The following TLN2 variants were observed in gnomAD, a reference collection of about 807,000 sequenced individuals.
TLN2 encodes talin-2.
TLN2 carries 118 observed loss-of-function variants against 294.7 expected under a neutral mutation model. That is an observed-to-expected ratio of 0.40 (90% CI 0.34 to 0.47). The LOEUF (loss-of-function observed/expected upper bound fraction) is 0.47. TLN2 is among the 20% of genes least tolerant of loss of function. The pLI, the probability that TLN2 is intolerant of heterozygous loss-of-function variation, is 0.84. For synonymous variants in TLN2, 1,431 were observed against 1,304.5 expected, an observed-to-expected ratio of 1.10 and a Z score of -2.09; for missense variants, 3,083 against 3,282.2, an observed-to-expected ratio of 0.94 and a Z score of 1.48.
At chr15:62,641,263 G>A (rs571007482) in intron 3 of TLN2, among the ~76,000 whole-genome samples, 6 of 152,228 alleles carry the variant, frequency 3.9e-5, no homozygotes, top group East Asian at 1.9e-4. Context: ...GATAGTGGCC[G>A]ACTCAAGTAT....
At chr15:62,776,479 A>G (rs1470982258) in intron 42 of TLN2, among the ~76,000 whole-genome samples, 1 of 152,150 alleles carries the variant, frequency 6.6e-6, no homozygotes, top group Non-Finnish European at 1.5e-5. Flanking sequence ...TCTCTTTTCT[A>G]CAGTCCTGAA....
At chr15:62,757,369 G>A (rs1285289723) in intron 37 of TLN2, among the ~76,000 whole-genome samples, 3 of 152,362 alleles carry the variant, frequency 2.0e-5, no homozygotes, top group South Asian at 4.1e-4. Context: ...GGTGGAAAGA[G>A]CGATAGAGTT....
intron 1 of TLN2, among the ~76,000 whole-genome samples, chr15:62,558,332 A>T (rs1378876594): frequency 6.6e-6 from 1 of 152,112 alleles, no homozygotes; most frequent in Non-Finnish European, 1.5e-5. Flanking sequence ...TGCATGTCTT[A>T]TTTCCTCTAG....
At chr15:62,479,286 T>C (rs1231089250) in intron 1 of TLN2, among the ~76,000 whole-genome samples, 3 of 152,166 alleles carry the variant, frequency 2.0e-5, no homozygotes, top group Non-Finnish European at 4.4e-5. Context: ...CTGGGCTTAT[T>C]TCCTCAACAG....
At chr15:62,493,613 C>T (rs531504773) in intron 1 of TLN2, among the ~76,000 whole-genome samples, 6 of 151,880 alleles carry the variant, frequency 4.0e-5, no homozygotes, top group East Asian at 1.9e-4. Flanking sequence ...GGTTCCCCCC[C>T]GCCGCTTTTT....
At chr15:62,659,604 T>C (rs1275179456) in intron 9 of TLN2, among the ~76,000 whole-genome samples, 1 of 152,208 alleles carries the variant, frequency 6.6e-6, no homozygotes, top group Non-Finnish European at 1.5e-5. Flanking sequence ...CTTCCCTTAA[T>C]AATCTGAGAC....
At chr15:62,551,895 A>G (rs773272327) in intron 1 of TLN2, among the ~76,000 whole-genome samples, 1 of 152,246 alleles carries the variant, frequency 6.6e-6, no homozygotes, top group East Asian at 1.9e-4. Flanking sequence ...AAAGTATGAC[A>G]GCTGCTTCAT....
intron 11 of TLN2, among the ~76,000 whole-genome samples, chr15:62,686,069 C>T (rs766427037): frequency 1.3e-5 from 2 of 152,006 alleles, no homozygotes; most frequent in Non-Finnish European, 2.9e-5. Flanking sequence ...ATAGACATTA[C>T]TATATCTTAA....
chr15:62,687,558 A>T (rs1446342350), intron 12 of TLN2, among the ~76,000 whole-genome samples: 2 of 152,272 alleles, frequency 1.3e-5, no homozygotes, highest in Non-Finnish European at 2.9e-5. Flanking sequence ...TTTACATGTG[A>T]AACACAATAG....
chr15:62,705,119 C>T lies in TLN2; in HGVS notation c.2005-1967C>T, dbSNP rs184164101. ...TGTGTGTGAATGTCAACCCTGCTTC[C>T]TAATGTTTGTTTCTATTCAGATGTG... On this transcript the variant is annotated intron_variant, in intron 19 of 58. Transcript: ENST00000636159. Among the ~76,000 whole-genome samples, 4 of 152,210 alleles carry T rather than the reference C, an allele frequency of 2.6e-5. No individual in the cohort carries two copies. The East Asian group carries it at 7.7e-4, about 29-fold the overall frequency.
intron 35 of TLN2, among the ~76,000 whole-genome samples, chr15:62,753,304 A>G (rs1369947618): frequency 6.6e-6 from 1 of 152,114 alleles, no homozygotes; most frequent in East Asian, 1.9e-4. Flanking sequence ...TCGGTAAGCT[A>G]CGAGATGAGG....
At chr15:62,838,378 C>T (rs549310326) in intron 57 of TLN2, among the ~76,000 whole-genome samples, 8 of 152,236 alleles carry the variant, frequency 5.3e-5, no homozygotes, top group African/African-American at 9.6e-5. Context: ...GCAGTGAAGC[C>T]GGCACAGCAC....
intron 26 of TLN2, among the ~76,000 whole-genome samples, chr15:62,724,066 T>G (rs1393220916): frequency 6.6e-6 from 1 of 152,070 alleles, no homozygotes; most frequent in Non-Finnish European, 1.5e-5. Flanking sequence ...GAGAATCACT[T>G]GAACCCAGGA....
intron 1 of TLN2, among the ~76,000 whole-genome samples, chr15:62,399,256 C>CATAAAAAA (rs2032815839): frequency 1.7e-5 from 1 of 58,430 alleles, no homozygotes; most frequent in Non-Finnish European, 2.8e-5. Flanking sequence ...CCGTCTCAAA[C>CATAAAAAA]AAAAAAAAAA....
intron 22 of TLN2, among the ~76,000 whole-genome samples, chr15:62,715,878 C>T (rs996302658): frequency 6.6e-6 from 1 of 152,170 alleles, no homozygotes; most frequent in African/African-American, 2.4e-5. Flanking sequence ...CCCTCTGTCC[C>T]CACCTGAGTT....
At chr15:62,736,309 C>T (rs2061007817) in intron 28 of TLN2, among the ~76,000 whole-genome samples, 1 of 145,776 alleles carries the variant, frequency 6.9e-6, no homozygotes, top group South Asian at 2.2e-4. Flanking sequence ...GACAGAGACT[C>T]TGTCTCAAAA....
chr15:62,541,942 G>T (rs2041717033), intron 1 of TLN2, among the ~76,000 whole-genome samples: 1 of 150,720 alleles, frequency 6.6e-6, no homozygotes, highest in Non-Finnish European at 1.5e-5. Flanking sequence ...TGGATTATTT[G>T]TGAACAAATA....
intron 1 of TLN2, among the ~76,000 whole-genome samples, chr15:62,556,208 G>GT (rs577428945): frequency 8.3e-4 from 121 of 145,918 alleles, no homozygotes; most frequent in Middle Eastern, 3.5e-3. Flanking sequence ...TTTCTTAGGA[G>GT]TTTTTTTTTT....
chr15:62,607,099 C>T (rs866752034), intron 2 of TLN2, among the ~76,000 whole-genome samples: 1 of 152,160 alleles, frequency 6.6e-6, no homozygotes, highest in African/African-American at 2.4e-5. Context: ...ATTTTCTCGC[C>T]CGTGATCCTG....
Sources: gnomAD v4.1 joint callset for allele counts (sites outside exome capture counted in the v4.1 genomes callset) on GRCh38, gnomAD v4.1.1 for gene constraint, MANE v1.5 for transcripts, NCBI Gene and HGNC (gene_info 2026-07-23, HGNC 2026-07-21) for gene names.